Variants in PPP1R3G observed in about 807,000 individuals in gnomAD.
PPP1R3G encodes protein phosphatase 1 regulatory subunit 3G, also known as protein phosphatase 1, regulatory (inhibitor) subunit 3G.
PPP1R3G carries 3 observed loss-of-function variants against 2.0 expected under a neutral mutation model. That is an observed-to-expected ratio of 1.47 (90% CI 0.67 to 3.81). The LOEUF (loss-of-function observed/expected upper bound fraction) is 3.81, where lower values mean the gene tolerates loss of function less well. PPP1R3G is among the 30% of genes most tolerant of loss of function. PPP1R3G has a pLI of 0.02. For synonymous variants in PPP1R3G, 267 were observed against 250.9 expected (o/e 1.06, Z -0.61); for missense variants, 595 against 517.0 (o/e 1.15, Z -1.46).
rs1284720517 is a variant in PPP1R3G at position 5,086,549 on chromosome 6, C to T, written c.1064C>T (p.Ala355Val). ...ANYTLRYARP[A>V]DAL ...TACACGCTGCGCTACGCGCGCCCTG[C>T]GGACGCGCTCTGAGCCTGGAGAGTT... The change falls in exon 1 of 1, where the codon GCG (alanine) becomes GTG (valine). Residue 355 changes from alanine (A) to valine (V), a missense_variant. Physicochemically the swap from Ala to Val is moderately conservative, Grantham distance 64. Transcript: ENST00000405617. The T allele has an allele frequency of 2.0e-6, 3 of 1,523,952 alleles. No homozygotes were observed. Among genetic ancestry groups the T allele is most frequent in the African/African-American group, 1.4e-5 (1 of 72,666 alleles). The allele number at this position is 1,523,952 out of a possible 1,614,324, so 94.4% of individuals were successfully genotyped here.
Position 5,085,792 on chromosome 6 carries a change from C to A in PPP1R3G, c.307C>A (p.Gln103Lys), listed in dbSNP as rs1382446517. 5.2e-6 allele frequency: 8 copies of A among 1,529,918 alleles called. No individual in the cohort carries two copies. The highest frequency in any genetic ancestry group is 1.2e-5 in the South Asian group (1 of 82,842). The allele number at this position is 1,529,918 out of a possible 1,614,324, so 94.8% of individuals were successfully genotyped here. A position where few individuals can be genotyped will look rare whatever the true frequency, so the allele number is the denominator to read the frequency against. ...LQAAKFLQQQ[Q>K]QQAVALGGEG... ...GGCGGCCAAGTTCCTGCAGCAGCAG[C>A]AGCAACAGGCGGTGGCACTGGGCGG... is the stretch of plus-strand genomic sequence containing the variant. The change falls in exon 1 of 1, where the codon CAG becomes AAG. Residue 103 changes from glutamine (Q) to lysine (K), a missense_variant. Transcript: ENST00000405617.
rs1433594744 is a variant in PPP1R3G at position 5,085,970 on chromosome 6, C to T, written c.485C>T (p.Ser162Leu). The change falls in exon 1 of 1, where the codon TCG (serine) becomes TTG (leucine). Residue 162 changes from serine (S) to leucine (L), a missense_variant. Coordinates refer to ENST00000405617, the MANE Select transcript of PPP1R3G (RefSeq NM_001145115.3). The stretch of plus-strand genomic sequence containing the variant: ...CCGCAGGTGCCGCCCGCCGTGCTCT[C>T]GCGCCTCCGAAGCTTCCCTATGCGT... The part of the protein sequence containing the change: ...EEPQVPPAVL[S>L]RLRSFPMRAE... 7.2e-6 allele frequency: 11 copies of T among 1,527,164 alleles called. No homozygotes were observed. Among genetic ancestry groups the T allele is most frequent in the Non-Finnish European group, 9.6e-6 (11 of 1,143,702 alleles). 94.6% of individuals were successfully genotyped at this position (1,527,164 alleles called of 1,614,324 possible).
Position 5,086,126 on chromosome 6 carries a change from A to G in PPP1R3G, c.641A>G (p.Gln214Arg). ...PGPSAAAERL[Q>R]RQRVCLERVQ... is the part of the protein sequence containing the mutation. ...CCGAGCGCCGCGGCCGAGCGTCTGC[A>G]GCGGCAGCGCGTGTGCCTGGAGCGC... Residue 214 changes from glutamine (Q) to arginine (R), a missense_variant, in exon 1 of 1, where the codon CAG becomes CGG. Physicochemically the swap from Gln to Arg is conservative, Grantham distance 43. Coordinates refer to ENST00000405617, the MANE Select transcript of PPP1R3G (RefSeq NM_001145115.3). 1 of 1,475,426 alleles carries G rather than the reference A, an allele frequency of 6.8e-7. No individual in the cohort carries two copies. Among genetic ancestry groups the G allele is most frequent in the Non-Finnish European group, 8.9e-7 (1 of 1,122,232 alleles). The allele number at this position is 1,475,426 out of a possible 1,614,324, so 91.4% of individuals were successfully genotyped here.
Position 5,088,818 on chromosome 6 carries a change from C to A in PPP1R3G, c.*2256C>A, listed in dbSNP as rs1414215752. ...AATAAACACGAAAATGTGAAAAGTGCGGTTATCATTGTGTCAGGCAGGGGA... is the reference window on the plus strand; with the variant it reads ...AATAAACACGAAAATGTGAAAAGTGAGGTTATCATTGTGTCAGGCAGGGGA... On this transcript the variant is annotated 3_prime_UTR_variant, in exon 1 of 1. Coordinates refer to ENST00000405617, the MANE Select transcript of PPP1R3G (RefSeq NM_001145115.3). The A allele has an allele frequency of 6.6e-6, 1 of 152,134 alleles. No homozygotes were observed. The highest frequency in any genetic ancestry group is 1.5e-5 in the Non-Finnish European group (1 of 68,026). The allele number at this position is 152,134 out of a possible 1,614,324, so 9.4% of individuals were successfully genotyped here. A position where few individuals can be genotyped will look rare whatever the true frequency, so the allele number is the denominator to read the frequency against.
chr6:5,086,727 C>T lies in PPP1R3G; in HGVS notation c.*165C>T, dbSNP rs1320165900. On this transcript the variant is annotated 3_prime_UTR_variant, in exon 1 of 1. Coordinates refer to ENST00000405617, the MANE Select transcript of PPP1R3G (RefSeq NM_001145115.3). ...ACTTTGAACCGTCGACTCGCACCCC[C>T]GCAGACAAGTGAGCGAGCTTAGAGA... 2 of 627,384 alleles carry T rather than the reference C, an allele frequency of 3.2e-6. No individual in the cohort carries two copies. Among genetic ancestry groups the T allele is most frequent in the South Asian group, 4.0e-5 (2 of 49,804 alleles). 38.9% of individuals were successfully genotyped at this position (627,384 alleles called of 1,614,324 possible). A position where few individuals can be genotyped will look rare whatever the true frequency, so the allele number is the denominator to read the frequency against.
Position 5,085,876 on chromosome 6 carries a change from C to T in PPP1R3G, c.391C>T (p.Arg131Trp). ...PGGCCAKCKKRVQFADTLGLS... is the reference protein window; with the variant it reads ...PGGCCAKCKKWVQFADTLGLS... ...CGGCTGCTGCGCCAAGTGCAAGAAG[C>T]GGGTGCAGTTCGCGGACACGCTGGG... Residue 131 changes from arginine (R) to tryptophan (W), a missense_variant, in exon 1 of 1, where the codon CGG becomes TGG. Coordinates refer to ENST00000405617, the MANE Select transcript of PPP1R3G (RefSeq NM_001145115.3). The T allele has an allele frequency of 6.5e-7, 1 of 1,531,400 alleles. No homozygotes were observed. Among genetic ancestry groups the T allele is most frequent in the Non-Finnish European group, 8.7e-7 (1 of 1,144,370 alleles). The allele number at this position is 1,531,400 out of a possible 1,614,324, so 94.9% of individuals were successfully genotyped here.
rs755299293 is a variant in PPP1R3G, at chr6:5,085,830, G to A, written c.345G>A (p.Glu115=). The change falls in exon 1 of 1, where the codon GAG becomes GAA. Residue 115 remains glutamate (E), a synonymous_variant. Coordinates refer to ENST00000405617, the MANE Select transcript of PPP1R3G (RefSeq NM_001145115.3). ...TGGCACTGGGCGGCGAGGGGGCGGA[G>A]GACGCACAGCTCGGCCCGGGCGGCT... ...QAVALGGEGA[E]DAQLGPGGCC... 1.2e-5 allele frequency: 19 copies of A among 1,528,926 alleles called. No individual in the cohort carries two copies. In the East Asian group the frequency reaches 2.5e-4, roughly 20 times the overall value. 94.7% of individuals were successfully genotyped at this position (1,528,926 alleles called of 1,614,324 possible). A position where few individuals can be genotyped will look rare whatever the true frequency, so the allele number is the denominator to read the frequency against.
At position 5,086,756 on chromosome 6, in the gene PPP1R3G, C is replaced by T; in HGVS notation, c.*194C>T. The T allele has an allele frequency of 6.8e-6, 4 of 591,844 alleles. No homozygotes were observed. Among genetic ancestry groups the T allele is most frequent in the Non-Finnish European group, 1.2e-5 (4 of 336,700 alleles). The allele number at this position is 591,844 out of a possible 1,614,324, so 36.7% of individuals were successfully genotyped here. A position where few individuals can be genotyped will look rare whatever the true frequency, so the allele number is the denominator to read the frequency against. On this transcript the variant is annotated 3_prime_UTR_variant, in exon 1 of 1. Transcript: ENST00000405617. ...GACAAGTGAGCGAGCTTAGAGAGCC[C>T]GGGCAATGCTCCGAAAGCCTCTGAC... is the stretch of plus-strand genomic sequence containing the variant.
At position 5,087,997 on chromosome 6, in the gene PPP1R3G, A is replaced by G. The variant is rs1762088174; in HGVS notation, c.*1435A>G. On this transcript the variant is annotated 3_prime_UTR_variant, in exon 1 of 1. Coordinates refer to ENST00000405617, the MANE Select transcript of PPP1R3G (RefSeq NM_001145115.3). Reference sequence around the variant, plus strand: ...TGCTTGATAGAACAGGGCTGGGCATACGTACATTTGGCCCATGGGCCAAAT... The same window carrying G: ...TGCTTGATAGAACAGGGCTGGGCATGCGTACATTTGGCCCATGGGCCAAAT... The G allele has an allele frequency of 6.6e-6, 1 of 152,198 alleles. No individual in the cohort carries two copies. Among genetic ancestry groups the G allele is most frequent in the Non-Finnish European group, 1.5e-5 (1 of 68,038 alleles). The allele number at this position is 152,198 out of a possible 1,614,324, so 9.4% of individuals were successfully genotyped here.
In PPP1R3G at chr6:5,085,723, T is replaced by C; in HGVS notation, c.238T>C (p.Cys80Arg). Residue 80 changes from cysteine to arginine, a missense_variant, in exon 1 of 1, where the codon TGC becomes CGC. Transcript: ENST00000405617. ...GGAGCTGCTGGAATGCCGCCGCCGC[T>C]GCCGCGCGCGCTCCTTTTCCTTGCC... ...QEELLECRRR[C>R]RARSFSLPAD... is the part of the protein sequence containing the mutation. The C allele has an allele frequency of 1.3e-6, 2 of 1,545,670 alleles. No homozygotes were observed. The highest frequency in any genetic ancestry group is 1.7e-6 in the Non-Finnish European group (2 of 1,145,680).
chr6:5,085,910 T>C lies in PPP1R3G; in HGVS notation c.425T>C (p.Leu142Pro). 3.3e-6 allele frequency: 5 copies of C among 1,530,726 alleles called. No individual in the cohort carries two copies. The highest frequency in any genetic ancestry group is 4.4e-6 in the Non-Finnish European group (5 of 1,144,864). 94.8% of individuals were successfully genotyped at this position (1,530,726 alleles called of 1,614,324 possible). ...TTCGCGGACACGCTGGGGCTAAGCC[T>C]GGCCAGCGTGAAGCACTTCAGCGAG... ...VQFADTLGLS[L>P]ASVKHFSEAE... is the part of the protein sequence containing the mutation. Residue 142 changes from leucine (L) to proline (P), a missense_variant, in exon 1 of 1, where the codon CTG becomes CCG. Physicochemically the swap from Leu to Pro is moderately conservative, Grantham distance 98 (BLOSUM62 -3). Transcript: ENST00000405617.
Position 5,086,033 on chromosome 6 carries a change from C to T in PPP1R3G, c.548C>T (p.Ala183Val). ...DLEQLGGLLAAAAVAAPLSAP... is the reference protein window; with the variant it reads ...DLEQLGGLLAVAAVAAPLSAP... Reference sequence around the variant, plus strand: ...GAGCAGCTCGGGGGGCTGCTGGCCGCGGCGGCAGTGGCCGCGCCCCTTTCA... The same window carrying T: ...GAGCAGCTCGGGGGGCTGCTGGCCGTGGCGGCAGTGGCCGCGCCCCTTTCA... Residue 183 changes from alanine (A) to valine (V), a missense_variant, in exon 1 of 1, where the codon GCG becomes GTG. Ala to Val is a moderately conservative substitution (Grantham distance 64, BLOSUM62 0). Transcript: ENST00000405617. 1.3e-6 allele frequency: 2 copies of T among 1,490,454 alleles called. No homozygotes were observed. Among genetic ancestry groups the T allele is most frequent in the Non-Finnish European group, 1.8e-6 (2 of 1,127,008 alleles). 92.3% of individuals were successfully genotyped at this position (1,490,454 alleles called of 1,614,324 possible).
chr6:5,086,502 G>T lies in PPP1R3G; in HGVS notation c.1017G>T (p.Trp339Cys). The change falls in exon 1 of 1, where the codon TGG (tryptophan) becomes TGT (cysteine). Residue 339 changes from tryptophan to cysteine, a missense_variant. Trp to Cys is a radical substitution (Grantham distance 215). Coordinates refer to ENST00000405617, the MANE Select transcript of PPP1R3G (RefSeq NM_001145115.3). The part of the protein sequence containing the change: ...VCYRCAQGEY[W>C]DNNAGANYTL... ...ACCGCTGCGCGCAGGGCGAGTACTG[G>T]GACAACAACGCGGGCGCCAACTACA... 5 of 1,535,654 alleles carry T rather than the reference G, an allele frequency of 3.3e-6. No individual in the cohort carries two copies. Among genetic ancestry groups the T allele is most frequent in the Non-Finnish European group, 4.4e-6 (5 of 1,144,608 alleles).
chr6:5,085,519 G>C lies in PPP1R3G; in HGVS notation c.34G>C (p.Ala12Pro), dbSNP rs1243045076. ...CATAGGGGCGCGGCTAAGTTTGGAG[G>C]CGCCGGGACCAGCGCCCTTCCGAGA... ...EPIGARLSLE[A>P]PGPAPFREAP... Residue 12 changes from alanine to proline, a missense_variant, in exon 1 of 1, where the codon GCG (alanine) becomes CCG (proline). Physicochemically the swap from Ala to Pro is conservative, Grantham distance 27 (BLOSUM62 -1). Coordinates refer to ENST00000405617, the MANE Select transcript of PPP1R3G (RefSeq NM_001145115.3). 6.5e-7 allele frequency: 1 copy of C among 1,538,234 alleles called. No homozygotes were observed. The highest frequency in any genetic ancestry group is 8.7e-7 in the Non-Finnish European group (1 of 1,145,996).
rs1161801770 is a variant in PPP1R3G, at chr6:5,087,058, T to C, written c.*496T>C. 6.5e-6 allele frequency: 1 copy of C among 155,028 alleles called. No individual in the cohort carries two copies. Among genetic ancestry groups the C allele is most frequent in the East Asian group, 1.9e-4 (1 of 5,230 alleles). The allele number at this position is 155,028 out of a possible 1,614,324, so 9.6% of individuals were successfully genotyped here. On this transcript the variant is annotated 3_prime_UTR_variant, in exon 1 of 1. Coordinates refer to ENST00000405617, the MANE Select transcript of PPP1R3G (RefSeq NM_001145115.3). ...GGACTGTGGGTGCACGCGTGGGACC[T>C]TTACACCCCAACCTATTTCTCAGAG...
rs1051863406 is a variant in PPP1R3G, at chr6:5,086,473, T to C, written c.988T>C (p.Cys330Arg). The C allele has an allele frequency of 3.5e-5, 54 of 1,537,080 alleles. No individual in the cohort carries two copies. Among genetic ancestry groups the C allele is most frequent in the Non-Finnish European group, 4.5e-5 (52 of 1,146,608 alleles). The change falls in exon 1 of 1, where the codon TGC (cysteine) becomes CGC (arginine). Residue 330 changes from cysteine to arginine, a missense_variant. Coordinates refer to ENST00000405617, the MANE Select transcript of PPP1R3G (RefSeq NM_001145115.3). ...CGGCGTCGCGGTCCACTTCGCTGTC[T>C]GCTACCGCTGCGCGCAGGGCGAGTA... ...ERGVAVHFAVCYRCAQGEYWD... is the reference protein window; with the variant it reads ...ERGVAVHFAVRYRCAQGEYWD...
rs1762075795 is a variant in PPP1R3G, at chr6:5,087,592, T to G, written c.*1030T>G. 1 of 152,374 alleles carries G rather than the reference T, an allele frequency of 6.6e-6. No individual in the cohort carries two copies. The highest frequency in any genetic ancestry group is 1.5e-5 in the Non-Finnish European group (1 of 68,162). The allele number at this position is 152,374 out of a possible 1,614,324, so 9.4% of individuals were successfully genotyped here. On this transcript the variant is annotated 3_prime_UTR_variant, in exon 1 of 1. Transcript: ENST00000405617. ...AGCAGTCAGAGAAGCTGGGCCCTTT[T>G]AGTCGCTGGACTGCCAGCGCAGGGG...
In PPP1R3G at chr6:5,085,929, C is replaced by A. The variant is rs1490329697; in HGVS notation, c.444C>A (p.Phe148Leu). The A allele has an allele frequency of 4.6e-6, 7 of 1,528,200 alleles. No homozygotes were observed. Among genetic ancestry groups the A allele is most frequent in the East Asian group, 2.5e-5 (1 of 39,986 alleles). The allele number at this position is 1,528,200 out of a possible 1,614,324, so 94.7% of individuals were successfully genotyped here. The change falls in exon 1 of 1, where the codon TTC becomes TTA. Residue 148 changes from phenylalanine (F) to leucine (L), a missense_variant. By Grantham distance (22) the Phe-to-Leu change is conservative. Transcript: ENST00000405617. ...TAAGCCTGGCCAGCGTGAAGCACTT[C>A]AGCGAGGCGGAGGAGCCGCAGGTGC... ...LGLSLASVKH[F>L]SEAEEPQVPP...
At position 5,086,226 on chromosome 6, in the gene PPP1R3G, C is replaced by G; in HGVS notation, c.741C>G (p.Ala247=). The change falls in exon 1 of 1, where the codon GCC becomes GCG. Residue 247 remains alanine (A), a synonymous_variant. Coordinates refer to ENST00000405617, the MANE Select transcript of PPP1R3G (RefSeq NM_001145115.3). ...TGCTCAGCTGCCCTGGGCCCAGGGC[C>G]GTGACCGTGCGCTACACCTTTACCG... is the stretch of plus-strand genomic sequence containing the variant. ...GRVLSCPGPR[A]VTVRYTFTEW... is the part of the protein sequence containing the mutation. The G allele has an allele frequency of 1.3e-6, 2 of 1,535,440 alleles. No homozygotes were observed. Among genetic ancestry groups the G allele is most frequent in the South Asian group, 2.4e-5 (2 of 84,044 alleles).
Sources: allele counts gnomAD v4.1 joint callset, GRCh38; gene constraint gnomAD v4.1.1; transcripts MANE v1.5; gene names NCBI Gene and HGNC (gene_info 2026-07-23, HGNC 2026-07-21).